The following ST7 variants were observed in gnomAD, a reference collection of about 807,000 sequenced individuals.
The protein encoded by ST7 is suppressor of tumorigenicity 7 protein.
In ST7, 28 loss-of-function variants were observed where a neutral mutation model predicts 78.7. The observed-to-expected ratio is 0.36, with a 90% CI of 0.26 to 0.49. The LOEUF (loss-of-function observed/expected upper bound fraction) is 0.49, where lower values mean the gene tolerates loss of function less well. Among genes scored for constraint, ST7 ranks in the 20% least tolerant of loss-of-function variants. ST7 has a pLI of 0.99. For synonymous variants in ST7, 247 were observed against 249.6 expected (o/e 0.99, Z 0.10); for missense variants, 418 against 696.0 (o/e 0.60, Z 4.49).
At chr7:117,038,789 C>G (rs534906465) in intron 1 of ST7, among the ~76,000 whole-genome samples, 1 of 151,998 alleles carries the variant, frequency 6.6e-6, no homozygotes, top group Non-Finnish European at 1.5e-5. Flanking sequence ...ATTTAGTGAA[C>G]GTTTCTAGCT....
intron 2 of ST7, among the ~76,000 whole-genome samples, chr7:117,102,366 A>G (rs1801626648): frequency 6.6e-6 from 1 of 152,222 alleles, no homozygotes; most frequent in East Asian, 1.9e-4. Context: ...GGGAAATAGT[A>G]AAAATATTTG....
chr7:116,966,440 G>A (rs1422610901), intron 1 of ST7, among the ~76,000 whole-genome samples: 1 of 151,784 alleles, frequency 6.6e-6, no homozygotes, highest in Non-Finnish European at 1.5e-5. Context: ...TAGTAGAGAC[G>A]ATGTTGCACT....
chr7:117,132,802 A>G (rs186900098), intron 6 of ST7, among the ~76,000 whole-genome samples: 7 of 151,968 alleles, frequency 4.6e-5, no homozygotes, highest in African/African-American at 1.7e-4. Context: ...CAAATTCGAT[A>G]TGCCTGCCTT....
At chr7:117,058,018 T>G (rs1798153147) in intron 1 of ST7, among the ~76,000 whole-genome samples, 1 of 152,176 alleles carries the variant, frequency 6.6e-6, no homozygotes, top group African/African-American at 2.4e-5. Context: ...ATGCCAGGAT[T>G]TAGATATGCT....
At chr7:117,198,717 C>G (rs561806663) in intron 12 of ST7, among the ~76,000 whole-genome samples, 53 of 152,246 alleles carry the variant, frequency 3.5e-4, no homozygotes, top group Admixed American at 7.2e-4. Flanking sequence ...CTTCCTCTCC[C>G]TGTTGCACCT....
intron 1 of ST7, among the ~76,000 whole-genome samples, chr7:117,026,329 A>G (rs1796180624): frequency 1.3e-5 from 2 of 152,224 alleles, no homozygotes; most frequent in Non-Finnish European, 2.9e-5. Flanking sequence ...TAAATTGTAT[A>G]GTCATTTTTT....
intron 9 of ST7, among the ~76,000 whole-genome samples, chr7:117,166,619 G>C (rs1338230745): frequency 2.0e-5 from 3 of 152,182 alleles, no homozygotes; most frequent in Non-Finnish European, 4.4e-5. Flanking sequence ...GCCAGGCGCA[G>C]TGGCTCACAC....
intron 1 of ST7, chr7:116,968,427 C>T (rs1157130048): frequency 2.2e-6 from 1 of 450,484 alleles, no homozygotes; most frequent in Non-Finnish European, 4.5e-6. Context: ...GTGCTGGACT[C>T]GAATTCCTGG....
chr7:116,971,539 A>G (rs1793422055), intron 1 of ST7, among the ~76,000 whole-genome samples: 1 of 151,624 alleles, frequency 6.6e-6, no homozygotes, highest in African/African-American at 2.4e-5. Flanking sequence ...GAAAAAAGAA[A>G]TAATGTTGTC....
At chr7:117,132,260 A>G (rs1406810219) in intron 6 of ST7, among the ~76,000 whole-genome samples, 1 of 151,874 alleles carries the variant, frequency 6.6e-6, no homozygotes, top group African/African-American at 2.4e-5. Context: ...TATCTAAAAC[A>G]TTCTGACAGG....
chr7:116,959,164 G>A (rs1792690985), intron 1 of ST7: 2 of 466,382 alleles, frequency 4.3e-6, no homozygotes, highest in East Asian at 6.9e-5. Context: ...AATGTTCACA[G>A]CATCTTCACC....
chr7:117,184,154 A>G (rs1809025008), intron 10 of ST7: 1 of 152,270 alleles, frequency 6.6e-6, no homozygotes. Flanking sequence ...ATAAGATGGC[A>G]AAGAGGTGGA....
chr7:117,039,935 G>T (rs1797120067), intron 1 of ST7, among the ~76,000 whole-genome samples: 2 of 152,182 alleles, frequency 1.3e-5, no homozygotes, highest in Non-Finnish European at 1.5e-5. Context: ...GAAATAATCT[G>T]TCATGGAAGC....
intron 12 of ST7, chr7:117,198,372 G>A (rs568203424): frequency 2.2e-6 from 1 of 455,202 alleles, no homozygotes; most frequent in Non-Finnish European, 4.4e-6. Flanking sequence ...GTGCTTCTTG[G>A]GCCACCCTAG....
At chr7:117,006,544 G>C (rs1795164556) in intron 1 of ST7, among the ~76,000 whole-genome samples, 1 of 152,142 alleles carries the variant, frequency 6.6e-6, no homozygotes, top group Non-Finnish European at 1.5e-5. Context: ...GCCATTTAAA[G>C]TTAATATTTT....
At chr7:117,067,167 A>G (rs1330348500) in intron 1 of ST7, among the ~76,000 whole-genome samples, 1 of 151,822 alleles carries the variant, frequency 6.6e-6, no homozygotes, top group Non-Finnish European at 1.5e-5. Flanking sequence ...GGTTGTTTCT[A>G]CTTTTTGGGC....
chr7:117,193,768 C>G (rs933132755), intron 12 of ST7, among the ~76,000 whole-genome samples: 3 of 152,202 alleles, frequency 2.0e-5, no homozygotes, highest in Admixed American at 1.3e-4. Context: ...AGTGGCCCAC[C>G]ACAGGAATTT....
intron 3 of ST7, among the ~76,000 whole-genome samples, chr7:117,121,871 C>T (rs1467004282): frequency 7.2e-6 from 1 of 139,662 alleles, no homozygotes; most frequent in Non-Finnish European, 1.6e-5. Context: ...CTAGGAAATT[C>T]TTCCCACCTG....
At chr7:116,955,454 CTTTTAT>C (rs1792414717) in intron 1 of ST7, among the ~76,000 whole-genome samples, 1 of 152,148 alleles carries the variant, frequency 6.6e-6, no homozygotes, top group Non-Finnish European at 1.5e-5. Flanking sequence ...CCCACTTTCA[CTTTTAT>C]AACAAACCTA....
Sources: gnomAD v4.1 joint callset for allele counts (sites outside exome capture counted in the v4.1 genomes callset) on GRCh38, gnomAD v4.1.1 for gene constraint, MANE v1.5 for transcripts, NCBI Gene and HGNC (gene_info 2026-07-23, HGNC 2026-07-21) for gene names.